Variants in AGMO observed in about 807,000 individuals in gnomAD.
The protein encoded by AGMO is alkylglycerol monooxygenase.
AGMO carries 75 observed loss-of-function variants against 60.2 expected under a neutral mutation model. That is an observed-to-expected ratio of 1.25 (90% confidence interval 1.03 to 1.51). The LOEUF is 1.51. Ranked by LOEUF, AGMO falls within the 40% of genes most tolerant of loss-of-function variation. AGMO has a pLI of 0.00. For synonymous variants in AGMO, 261 were observed against 177.1 expected (o/e 1.47, Z -3.76); for missense variants, 763 against 525.5 (o/e 1.45, Z -4.42).
chr7:15,207,120 T>G (rs562139915), intron 12 of AGMO, among the ~76,000 whole-genome samples: 2 of 152,126 alleles, frequency 1.3e-5, no homozygotes, highest in South Asian at 2.1e-4. Context: ...ACGATAACAT[T>G]TGAAAACCAT....
chr7:15,164,148 A>G, the AGMO span, among the ~76,000 whole-genome samples: 4 of 152,184 alleles, frequency 2.6e-5, no homozygotes, highest in Non-Finnish European at 4.4e-5. Flanking sequence ...AGAATGGGGA[A>G]AGAACATTCT....
chr7:15,549,783 C>G (rs1454614101), intron 2 of AGMO, among the ~76,000 whole-genome samples: 1 of 151,230 alleles, frequency 6.6e-6, no homozygotes, highest in African/African-American at 2.4e-5. Context: ...ACAAGGATAC[C>G]CAGGAATTGA....
rs192257156 is a variant in AGMO at position 15,461,270 on chromosome 7, C to G, written c.410-30162G>C. ...TTAGAATTTTATATATAAAGATAAT[C>G]ATAAATATTCCATATTTAACCTTCC... On this transcript the variant is annotated intron_variant, in intron 3 of 12. Coordinates refer to ENST00000342526, the MANE Select transcript of AGMO (RefSeq NM_001004320.2). 8.3e-4 allele frequency among the ~76,000 whole-genome samples: 126 copies of G among 151,646 alleles called. No homozygotes were observed. In the Middle Eastern group the frequency reaches 0.017, roughly 21 times the overall value.
chr7:15,391,873 G>T (rs957425987), intron 6 of AGMO, among the ~76,000 whole-genome samples: 1 of 152,038 alleles, frequency 6.6e-6, no homozygotes, highest in African/African-American at 2.4e-5. Flanking sequence ...GGCCAGTGAC[G>T]TTGCTAAATT....
chr7:15,482,236 G>T (rs1421697586), intron 3 of AGMO, among the ~76,000 whole-genome samples: 4 of 151,754 alleles, frequency 2.6e-5, no homozygotes, highest in Non-Finnish European at 4.4e-5. Flanking sequence ...TTTTCTGAAA[G>T]GTTTGAAAAA....
At chr7:15,531,134 A>C (rs1247468570) in intron 3 of AGMO, among the ~76,000 whole-genome samples, 1 of 77,946 alleles carries the variant, frequency 1.3e-5, no homozygotes, top group African/African-American at 5.2e-5. Context: ...TATTCTGTAT[A>C]TATTCTATAT....
intron 12 of AGMO, among the ~76,000 whole-genome samples, chr7:15,359,521 T>C (rs1782673332): frequency 2.0e-5 from 3 of 152,280 alleles, no homozygotes; most frequent in Admixed American, 6.5e-5. Flanking sequence ...ATATATATCA[T>C]GTATGTTTTT....
chr7:15,228,488 A>G (rs1259277939), intron 12 of AGMO, among the ~76,000 whole-genome samples: 1 of 152,168 alleles, frequency 6.6e-6, no homozygotes, highest in Non-Finnish European at 1.5e-5. Context: ...CTGGAGAAAT[A>G]GTTGTGAAGG....
chr7:15,213,968 T>C (rs748448517), intron 12 of AGMO, among the ~76,000 whole-genome samples: 1 of 152,016 alleles, frequency 6.6e-6, no homozygotes, highest in Non-Finnish European at 1.5e-5. Flanking sequence ...TTTGTGTTTA[T>C]AGTTCAACAA....
chr7:15,418,595 T>G lies in AGMO; in HGVS notation c.572A>C (p.Gln191Pro), dbSNP rs757813896. Residue 191 changes from glutamine (Q) to proline (P), a missense_variant, in exon 5 of 13, where the codon CAA (glutamine) becomes CCA (proline). By Grantham distance (76) the Gln-to-Pro change is moderately conservative. Coordinates refer to ENST00000342526, the MANE Select transcript of AGMO (RefSeq NM_001004320.2). ...CCAAAATTGGTAAAGAAGATTGAATTGAAGATGAACAGCATATACTGAAGG... is the reference window on the plus strand; with the variant it reads ...CCAAAATTGGTAAAGAAGATTGAATGGAAGATGAACAGCATATACTGAAGG... ...IPPSVYAVHLQFNLLYQFWIH... is the reference protein window; with the variant it reads ...IPPSVYAVHLPFNLLYQFWIH... 1 of 1,589,660 alleles carries G rather than the reference T, an allele frequency of 6.3e-7. No individual in the cohort carries two copies.
At chr7:15,425,424 TTTTG>T (rs1325812317) in intron 4 of AGMO, among the ~76,000 whole-genome samples, 8 of 150,976 alleles carry the variant, frequency 5.3e-5, no homozygotes, top group Admixed American at 5.3e-4. Context: ...TTTCTTTTCT[TTTTG>T]TTTATTTTAT....
intron 12 of AGMO, among the ~76,000 whole-genome samples, chr7:15,251,747 C>G (rs1782944254): frequency 6.6e-6 from 1 of 152,170 alleles, no homozygotes; most frequent in African/African-American, 2.4e-5. Context: ...TAGAAGATAA[C>G]AGAAGTAGCA....
intron 12 of AGMO, among the ~76,000 whole-genome samples, chr7:15,222,328 G>T (rs1407603638): frequency 6.6e-6 from 1 of 151,900 alleles, no homozygotes; most frequent in Non-Finnish European, 1.5e-5. Context: ...TTTGATTTTG[G>T]AAGTCAGAAT....
At chr7:15,440,884 T>C (rs1054631551) in intron 3 of AGMO, among the ~76,000 whole-genome samples, 1 of 152,204 alleles carries the variant, frequency 6.6e-6, no homozygotes, top group Admixed American at 6.5e-5. Context: ...CAAGTTATAC[T>C]CCTCTTTCTC....
intron 3 of AGMO, among the ~76,000 whole-genome samples, chr7:15,495,781 G>T (rs1783205502): frequency 6.6e-6 from 1 of 151,230 alleles, no homozygotes; most frequent in Non-Finnish European, 1.5e-5. Context: ...TTCTCTCTGG[G>T]GCTTCATACA....
chr7:15,272,802 A>C (rs1161613712), intron 12 of AGMO, among the ~76,000 whole-genome samples: 1 of 151,928 alleles, frequency 6.6e-6, no homozygotes, highest in African/African-American at 2.4e-5. Context: ...TTGTTTCCTG[A>C]CTTCTTAATT....
intron 3 of AGMO, among the ~76,000 whole-genome samples, chr7:15,477,185 G>A (rs1782617789): frequency 6.6e-6 from 1 of 151,858 alleles, no homozygotes; most frequent in Non-Finnish European, 1.5e-5. Flanking sequence ...AAGCAAAGTT[G>A]AGAATTTTAA....
chr7:15,464,509 T>C (rs1352163640), intron 3 of AGMO, among the ~76,000 whole-genome samples: 1 of 152,190 alleles, frequency 6.6e-6, no homozygotes, highest in Non-Finnish European at 1.5e-5. Context: ...TTAATTCCTC[T>C]GGTAGTTTCT....
intron 12 of AGMO, among the ~76,000 whole-genome samples, chr7:15,227,506 AT>A (rs1782122638): frequency 6.8e-6 from 1 of 147,904 alleles, no homozygotes; most frequent in Admixed American, 6.7e-5. Context: ...AGGATGGCAG[AT>A]TAAAAAAAAA....
Sources: gnomAD v4.1 joint callset for allele counts (sites outside exome capture counted in the v4.1 genomes callset) on GRCh38, gnomAD v4.1.1 for gene constraint, MANE v1.5 for transcripts, NCBI Gene and HGNC (gene_info 2026-07-23, HGNC 2026-07-21) for gene names.